Variants in SLC4A4 observed in about 807,000 individuals in gnomAD.
SLC4A4 encodes solute carrier family 4 member 4, also known as electrogenic sodium bicarbonate cotransporter 1.
Under a neutral mutation model 111.5 loss-of-function variants are expected in SLC4A4, and 27 were observed. The ratio of observed to expected loss-of-function variants is 0.24; its 90% CI spans 0.18 to 0.33. SLC4A4 has a LOEUF of 0.33. Among genes scored for constraint, SLC4A4 ranks in the 10% least tolerant of loss-of-function variants. SLC4A4 has a pLI of 1.00. For missense variants in SLC4A4, 909 were observed against 1,315.5 expected (o/e 0.69, Z 4.78); for synonymous variants, 443 against 463.4 (o/e 0.96, Z 0.57).
chr4:71,401,484 T>C (rs2148985557), intron 7 of SLC4A4, among the ~76,000 whole-genome samples: 1 of 152,308 alleles, frequency 6.6e-6, no homozygotes, highest in African/African-American at 2.4e-5. Flanking sequence ...ACATAAATAA[T>C]CTCTTCTATT....
At chr4:71,252,706 G>A (rs1721148644) in intron 2 of SLC4A4, among the ~76,000 whole-genome samples, 1 of 152,148 alleles carries the variant, frequency 6.6e-6, no homozygotes, top group Non-Finnish European at 1.5e-5. Flanking sequence ...ATCACTAAGA[G>A]TTTTAAAACG....
intron 2 of SLC4A4, among the ~76,000 whole-genome samples, chr4:71,122,379 TAAA>T (rs1743458204): frequency 6.6e-6 from 1 of 151,400 alleles, no homozygotes; most frequent in East Asian, 1.9e-4. Context: ...AGGGCGATCT[TAAA>T]AACCTTTTTA....
intron 14 of SLC4A4, among the ~76,000 whole-genome samples, chr4:71,481,720 C>T (rs886265886): frequency 2.0e-5 from 3 of 150,376 alleles, no homozygotes; most frequent in African/African-American, 7.3e-5. Flanking sequence ...GGAAAAGTCA[C>T]AGATACATTT....
intron 3 of SLC4A4, among the ~76,000 whole-genome samples, chr4:71,293,293 G>A (rs919677569): frequency 6.6e-6 from 1 of 150,580 alleles, no homozygotes; most frequent in East Asian, 2.0e-4. Flanking sequence ...GCTGGGTGCG[G>A]TGGCTCACGC....
chr4:71,153,041 A>G (rs1314434810), intron 2 of SLC4A4, among the ~76,000 whole-genome samples: 1 of 147,310 alleles, frequency 6.8e-6, no homozygotes, highest in African/African-American at 2.5e-5. Context: ...GTGTATATAT[A>G]TATATATATA....
chr4:71,300,997 G>T (rs903413688), intron 3 of SLC4A4: 5 of 464,262 alleles, frequency 1.1e-5, no homozygotes, highest in African/African-American at 4.0e-5. Flanking sequence ...TGCCAGAGTG[G>T]GGGCCCCCTA....
intron 2 of SLC4A4, among the ~76,000 whole-genome samples, chr4:71,239,138 G>C (rs1256027521): frequency 1.3e-5 from 2 of 152,102 alleles, no homozygotes; most frequent in Non-Finnish European, 2.9e-5. Context: ...GAATTCAAAA[G>C]GCAAGGAGCT....
intron 3 of SLC4A4, among the ~76,000 whole-genome samples, chr4:71,296,017 A>G (rs553163333): frequency 1.3e-5 from 2 of 152,258 alleles, no homozygotes; most frequent in Non-Finnish European, 2.9e-5. Flanking sequence ...AACCTTAGAC[A>G]AAATCTAAGG....
At chr4:71,492,680 C>CT (rs1003084561) in intron 15 of SLC4A4, among the ~76,000 whole-genome samples, 2 of 151,956 alleles carry the variant, frequency 1.3e-5, no homozygotes, top group Admixed American at 1.3e-4. Context: ...TACTTTACTT[C>CT]TTTTTTGCTG....
intron 4 of SLC4A4, among the ~76,000 whole-genome samples, chr4:71,340,505 AG>A (rs1193527746): frequency 6.6e-6 from 1 of 152,236 alleles, no homozygotes; most frequent in African/African-American, 2.4e-5. Context: ...AAAAAAACAT[AG>A]TATACATAGG....
chr4:71,067,295 G>T (rs1421176551), intron 1 of SLC4A4, among the ~76,000 whole-genome samples: 2 of 151,942 alleles, frequency 1.3e-5, no homozygotes, highest in Non-Finnish European at 2.9e-5. Flanking sequence ...ATTTTTTAAA[G>T]CTTTGAAAGA....
chr4:71,429,921 CTT>C (rs1489275498), intron 7 of SLC4A4, among the ~76,000 whole-genome samples: 1 of 152,068 alleles, frequency 6.6e-6, no homozygotes, highest in African/African-American at 2.4e-5. Context: ...CTATTTACCT[CTT>C]TGTTTAATCT....
At chr4:71,110,411 G>T (rs1352771061) in intron 2 of SLC4A4, among the ~76,000 whole-genome samples, 1 of 152,018 alleles carries the variant, frequency 6.6e-6, no homozygotes, top group Non-Finnish European at 1.5e-5. Context: ...TCACCATGTT[G>T]CTCAGGCTGG....
intron 1 of SLC4A4, among the ~76,000 whole-genome samples, chr4:71,065,517 C>T (rs917999407): frequency 3.3e-5 from 5 of 151,880 alleles, no homozygotes; most frequent in East Asian, 1.9e-4. Context: ...TGCTATTTGT[C>T]GATGAAAGGC....
intron 2 of SLC4A4, among the ~76,000 whole-genome samples, chr4:71,165,888 AAAT>A (rs1477895512): frequency 6.6e-6 from 1 of 152,156 alleles, no homozygotes; most frequent in African/African-American, 2.4e-5. Context: ...ATGAAAAAAA[AAAT>A]AATGTGAGCA....
At chr4:71,179,387 T>C (rs1159086435) in intron 2 of SLC4A4, among the ~76,000 whole-genome samples, 2 of 152,178 alleles carry the variant, frequency 1.3e-5, no homozygotes, top group Admixed American at 6.5e-5. Context: ...ATAAAGGGCA[T>C]TCAATTAGGA....
intron 2 of SLC4A4, among the ~76,000 whole-genome samples, chr4:71,169,409 G>A (rs1188873393): frequency 2.0e-5 from 3 of 151,992 alleles, no homozygotes; most frequent in South Asian, 4.1e-4. Flanking sequence ...GGGGTGAGCC[G>A]ATATCTCACT....
chr4:71,175,539 C>T (rs184910169), intron 2 of SLC4A4, among the ~76,000 whole-genome samples: 92 of 152,346 alleles, frequency 6.0e-4, no homozygotes, highest in Middle Eastern at 3.4e-3. Context: ...ATATCCCGCG[C>T]GTGGCTTGGA....
At chr4:71,145,096 A>G (rs751646872) in intron 2 of SLC4A4, among the ~76,000 whole-genome samples, 41 of 151,784 alleles carry the variant, frequency 2.7e-4, no homozygotes, top group Non-Finnish European at 5.0e-4. Context: ...GTCATAGATA[A>G]CTCTTATTAT....
Sources: gnomAD v4.1 joint callset for allele counts (sites outside exome capture counted in the v4.1 genomes callset) on GRCh38, gnomAD v4.1.1 for gene constraint, MANE v1.5 for transcripts, NCBI Gene and HGNC (gene_info 2026-07-23, HGNC 2026-07-21) for gene names.